Variants in CFHR5 observed in about 807,000 individuals in gnomAD.
The protein encoded by CFHR5 is complement factor H-related protein 5.
In CFHR5, 73 loss-of-function variants were observed where a neutral mutation model predicts 62.9. The ratio of observed to expected loss-of-function variants is 1.16; its 90% CI spans 0.96 to 1.41. The LOEUF (loss-of-function observed/expected upper bound fraction) is 1.41, where lower values mean the gene tolerates loss of function less well. CFHR5 is among the 40% of genes most tolerant of loss of function. The probability of loss-of-function intolerance (pLI) is 0.00; values close to 1 mark genes in which losing one functional copy is unlikely to be tolerated. For missense variants in CFHR5, 779 were observed against 679.9 expected (o/e 1.15, Z -1.62); for synonymous variants, 249 against 227.2 (o/e 1.10, Z -0.86).
At chr1:196,997,948 T>A (rs1654037469) in intron 6 of CFHR5, among the ~76,000 whole-genome samples, 180 bp from the exon 7 acceptor site, 1 of 152,156 alleles carries the variant, frequency 6.6e-6, no homozygotes, top group Non-Finnish European at 1.5e-5. Flanking sequence ...CATTCAAAGA[T>A]GGGATACAGT....
At position 197,008,480 on chromosome 1, in the gene CFHR5, C is replaced by G. The variant is rs749571866; in HGVS notation, c.1514-7C>G. ...TATTTATTTTATTTTACCATTTCTT[C>G]TTTCAGATCCATGTGTGGTATCTGA... On this transcript the variant is annotated splice_region_variant and splice_polypyrimidine_tract_variant and intron_variant, in intron 9 of 9. Coordinates refer to ENST00000256785, the MANE Select transcript of CFHR5 (RefSeq NM_030787.4). 20 of 1,525,690 alleles carry G rather than the reference C, an allele frequency of 1.3e-5. No homozygotes were observed. The South Asian group carries it at 2.5e-4, about 19-fold the overall frequency. The allele number at this position is 1,525,690 out of a possible 1,614,324, so 94.5% of individuals were successfully genotyped here.
At chr1:196,978,869 A>G (rs1020473093) in intron 1 of CFHR5, among the ~76,000 whole-genome samples, 19 of 152,278 alleles carry the variant, frequency 1.2e-4, no homozygotes, top group Non-Finnish European at 2.2e-4. Flanking sequence ...TGAGGATAAT[A>G]TGTAGAATTT....
chr1:196,995,709 T>C lies in CFHR5; in HGVS notation c.608-8T>C, dbSNP rs1403896586. The C allele has an allele frequency of 1.2e-6, 2 of 1,610,546 alleles. No individual in the cohort carries two copies. The highest frequency in any genetic ancestry group is 1.1e-5 in the South Asian group (1 of 91,014). On this transcript the variant is annotated splice_polypyrimidine_tract_variant and splice_region_variant and intron_variant, in intron 4 of 9. Coordinates refer to ENST00000256785, the MANE Select transcript of CFHR5 (RefSeq NM_030787.4). ...ATTTAAGCATTATTTATGGTTTCTT[T>C]ATAATAGGACAAGTACGATCATGTG...
At chr1:197,003,994 A>G (rs1300448000) in intron 8 of CFHR5, among the ~76,000 whole-genome samples, 2 of 152,176 alleles carry the variant, frequency 1.3e-5, no homozygotes, top group Non-Finnish European at 1.5e-5. Context: ...CAGTAACTCA[A>G]TGAAACTAGA....
chr1:196,977,526 C>A, upstream of CFHR5: 1 of 763,852 alleles, frequency 1.3e-6, no homozygotes, highest in Non-Finnish European at 2.4e-6. Context: ...ATGTTTTCCA[C>A]AAAGGGCTTT....
chr1:196,978,650 A>G (rs906581402), intron 1 of CFHR5, among the ~76,000 whole-genome samples: 3 of 152,194 alleles, frequency 2.0e-5, no homozygotes, highest in Non-Finnish European at 2.9e-5. Flanking sequence ...GTTGCAAAAC[A>G]TTATTTCTAT....
intron 6 of CFHR5, among the ~76,000 whole-genome samples, chr1:196,997,793 A>C (rs969823312): frequency 3.3e-5 from 5 of 152,164 alleles, no homozygotes; most frequent in Non-Finnish European, 7.4e-5. Flanking sequence ...AGTTTAGTGC[A>C]AAACAATCAT....
At chr1:196,978,964 G>C (rs1653466909) in intron 1 of CFHR5, among the ~76,000 whole-genome samples, 1 of 152,070 alleles carries the variant, frequency 6.6e-6, no homozygotes, top group African/African-American at 2.4e-5. Flanking sequence ...AAGTTGTCTA[G>C]GTGTTAAATG....
Position 196,982,782 on chromosome 1 carries a change from T to C in CFHR5, c.59-103T>C, listed in dbSNP as rs146079404. Reference sequence around the variant, plus strand: ...GCATTTAAGCTAAAGGCATTTAAGCTGAATGAAAAACAAAACTATAAATGA... The same window carrying C: ...GCATTTAAGCTAAAGGCATTTAAGCCGAATGAAAAACAAAACTATAAATGA... On this transcript the variant is annotated intron_variant, in intron 1 of 9. Transcript: ENST00000256785. 9.1e-3 allele frequency: 9,762 copies of C among 1,074,230 alleles called. 69 individuals are homozygous for C. The highest frequency in any genetic ancestry group is 0.02 in the Middle Eastern group (93 of 4,720). The allele number at this position is 1,074,230 out of a possible 1,614,324, so 66.5% of individuals were successfully genotyped here.
At chr1:196,995,185 TC>T (rs1653957008) in intron 4 of CFHR5, among the ~76,000 whole-genome samples, 1 of 152,134 alleles carries the variant, frequency 6.6e-6, no homozygotes, top group African/African-American at 2.4e-5. Flanking sequence ...TACTTAAAAA[TC>T]TTCAAGGGTA....
Position 196,979,170 on chromosome 1 carries a change from C to T in CFHR5, c.58+1448C>T, listed in dbSNP as rs115683882. On this transcript the variant is annotated intron_variant, in intron 1 of 9. Coordinates refer to ENST00000256785, the MANE Select transcript of CFHR5 (RefSeq NM_030787.4). Reference sequence around the variant, plus strand: ...GAAAGAATATGACAACGCCACCCACCCCTCACTACTACTTAGAGTGTCCTA... The same window carrying T: ...GAAAGAATATGACAACGCCACCCACTCCTCACTACTACTTAGAGTGTCCTA... Among the ~76,000 whole-genome samples, 1,022 of 152,140 alleles carry T rather than the reference C, an allele frequency of 6.7e-3. 10 individuals are homozygous for T. The highest frequency in any genetic ancestry group is 0.024 in the Middle Eastern group (7 of 294).
At chr1:196,998,677 A>G (rs1654056189) in intron 7 of CFHR5, among the ~76,000 whole-genome samples, 1 of 152,104 alleles carries the variant, frequency 6.6e-6, no homozygotes, top group African/African-American at 2.4e-5. Flanking sequence ...TGGACCAGAC[A>G]GTAGGCTGAG....
chr1:196,985,206 C>T (rs1404254178), intron 3 of CFHR5, among the ~76,000 whole-genome samples: 1 of 152,038 alleles, frequency 6.6e-6, no homozygotes, highest in Non-Finnish European at 1.5e-5. Flanking sequence ...TTAATTTAAA[C>T]CTCTAGAGCC....
At chr1:196,997,340 G>A (rs1020302070) in intron 6 of CFHR5, among the ~76,000 whole-genome samples, 1 of 152,128 alleles carries the variant, frequency 6.6e-6, no homozygotes, top group Non-Finnish European at 1.5e-5. Context: ...TTTTATGCAA[G>A]GAGTACATAA....
chr1:197,000,164 T>C (rs1239376101), intron 7 of CFHR5, among the ~76,000 whole-genome samples: 2 of 151,944 alleles, frequency 1.3e-5, no homozygotes, highest in Non-Finnish European at 2.9e-5. Flanking sequence ...CTATGAGTCA[T>C]AGGTATCAAA....
rs1654042087 is a variant in CFHR5 at position 196,998,133 on chromosome 1, C to T, written c.976C>T (p.His326Tyr). The T allele has an allele frequency of 6.5e-6, 10 of 1,532,484 alleles. No individual in the cohort carries two copies. The highest frequency in any genetic ancestry group is 2.4e-5 in the East Asian group (1 of 40,832). The allele number at this position is 1,532,484 out of a possible 1,614,324, so 94.9% of individuals were successfully genotyped here. The part of the protein sequence containing the change: ...WTELPMCVAT[H>Y]QLKRCKIAGV... ...TTTAATATTATTTTTTATAGCAACA[C>T]ACCAACTTAAGAGGTGCAAAATAGC... is the stretch of plus-strand genomic sequence containing the variant. The change falls in exon 7 of 10, where the codon CAC becomes TAC. Residue 326 changes from histidine to tyrosine, a missense_variant. Physicochemically the swap from His to Tyr is moderately conservative, Grantham distance 83. Coordinates refer to ENST00000256785, the MANE Select transcript of CFHR5 (RefSeq NM_030787.4).
chr1:196,986,117 C>A (rs928354574), intron 3 of CFHR5, among the ~76,000 whole-genome samples: 1 of 152,058 alleles, frequency 6.6e-6, no homozygotes, highest in Non-Finnish European at 1.5e-5. Context: ...ACACTCTGTG[C>A]CTAAGGTTGA....
intron 1 of CFHR5, among the ~76,000 whole-genome samples, chr1:196,978,359 T>C (rs1457234204): frequency 6.6e-6 from 1 of 152,052 alleles, no homozygotes; most frequent in Non-Finnish European, 1.5e-5. Flanking sequence ...TTATAAACTA[T>C]CCCATTTTAT....
chr1:196,989,860 G>C lies in CFHR5; in HGVS notation c.431-4220G>C, dbSNP rs138191822. Among the ~76,000 whole-genome samples the C allele has an allele frequency of 6.3e-3, 960 of 152,256 alleles. 11 individuals are homozygous for C. Among genetic ancestry groups the C allele is most frequent in the African/African-American group, 0.022 (902 of 41,528 alleles). ...ATGTATATTCTGTTGATTTGAAGTGGAGAGTTCTGTAGATGTCTATTAGGT... is the reference window on the plus strand; with the variant it reads ...ATGTATATTCTGTTGATTTGAAGTGCAGAGTTCTGTAGATGTCTATTAGGT... On this transcript the variant is annotated intron_variant, in intron 3 of 9. Coordinates refer to ENST00000256785, the MANE Select transcript of CFHR5 (RefSeq NM_030787.4).
Sources: gnomAD v4.1 joint callset for allele counts (sites outside exome capture counted in the v4.1 genomes callset) on GRCh38, gnomAD v4.1.1 for gene constraint, MANE v1.5 for transcripts, NCBI Gene and HGNC (gene_info 2026-07-23, HGNC 2026-07-21) for gene names.